The following MCIDAS variants were observed in gnomAD, a reference collection of about 807,000 sequenced individuals.
MCIDAS encodes the protein multicilin.
A neutral mutation model predicts 35.4 loss-of-function variants in MCIDAS; 23 were observed. The ratio of observed to expected loss-of-function variants is 0.65; its 90% CI spans 0.47 to 0.92. The LOEUF is 0.92. Ranked by LOEUF, MCIDAS falls within the 40% of genes least tolerant of loss-of-function variation. The pLI, the probability that MCIDAS is intolerant of heterozygous loss-of-function variation, is 0.00. For missense variants in MCIDAS, 480 were observed against 531.8 expected (o/e 0.90, Z 0.96); for synonymous variants, 228 against 235.2 (o/e 0.97, Z 0.28).
In MCIDAS at chr5:55,220,490, C is replaced by G. The variant is rs573592648; in HGVS notation, c.1034G>C (p.Gly345Ala). Residue 345 changes from glycine to alanine, a missense_variant, in exon 7 of 7, where the codon GGC becomes GCC. By Grantham distance (60) the Gly-to-Ala change is moderately conservative. Transcript: ENST00000513312. ...LNLSHSELEE[G>A]GSFSTRIRSH... ...GCGGATGCGGGTGCTGAAGGAGCCG[C>G]CCTCCTCCAGCTCACTGTGGCTCAG... The G allele has an allele frequency of 2.6e-6, 4 of 1,536,036 alleles. No homozygotes were observed. The East Asian group carries it at 7.3e-5, about 28-fold the overall frequency.
At chr5:55,226,272 C>T (rs1178058512) in intron 3 of MCIDAS, among the ~76,000 whole-genome samples, 2 of 152,110 alleles carry the variant, frequency 1.3e-5, no homozygotes, top group African/African-American at 4.8e-5. Context: ...TCTCTCAGTG[C>T]GCAATCTTGT....
At position 55,225,459 on chromosome 5, in the gene MCIDAS, TCTTTC is replaced by T. The variant is rs1745440223; in HGVS notation, c.309+1112_309+1116del. Among the ~76,000 whole-genome samples, 6 of 152,228 alleles carry T rather than the reference TCTTTC, an allele frequency of 3.9e-5. No homozygotes were observed. The South Asian group carries it at 1.2e-3, about 31-fold the overall frequency. ...TCAGTTGGAAGATACTCAGGCATTATCTTTCCTTATTTGATCATCCAGATCTAAAA... is the reference window on the plus strand; with the variant it reads ...TCAGTTGGAAGATACTCAGGCATTATCTTATTTGATCATCCAGATCTAAAA... On this transcript the variant is annotated intron_variant, in intron 3 of 6. Transcript: ENST00000513312.
In MCIDAS at chr5:55,227,240, C is replaced by A; in HGVS notation, c.-102G>T. ...CCTTCAGTGCCTGCAGGCTCCGAAGCCAGCCAGAGGTTGGGGCAGGCGCGT... is the reference window on the plus strand; with the variant it reads ...CCTTCAGTGCCTGCAGGCTCCGAAGACAGCCAGAGGTTGGGGCAGGCGCGT... On this transcript the variant is annotated 5_prime_UTR_variant, in exon 1 of 7. Transcript: ENST00000513312. The A allele has an allele frequency of 7.5e-7, 1 of 1,341,778 alleles. No individual in the cohort carries two copies. The highest frequency in any genetic ancestry group is 9.5e-7 in the Non-Finnish European group (1 of 1,048,000). The allele number at this position is 1,341,778 out of a possible 1,614,324, so 83.1% of individuals were successfully genotyped here.
intron 5 of MCIDAS, among the ~76,000 whole-genome samples, 169 bp from the exon 6 acceptor site, chr5:55,221,295 C>T (rs935492655): frequency 6.6e-6 from 1 of 151,790 alleles, no homozygotes; most frequent in African/African-American, 2.4e-5. Flanking sequence ...AAACAAAGCA[C>T]TTGGACAAAA....
At position 55,220,705 on chromosome 5, in the gene MCIDAS, C is replaced by G. The variant is rs1307513968; in HGVS notation, c.819G>C (p.Ala273=). The change falls in exon 7 of 7, where the codon GCG becomes GCC. Residue 273 remains alanine, a synonymous_variant. Coordinates refer to ENST00000513312, the MANE Select transcript of MCIDAS (RefSeq NM_001190787.3). The part of the protein sequence containing the change: ...KRSLEELVSA[A]GQDCAEVDAI... ...CGTCCACTTCCGCGCAATCCTGCCC[C>G]GCAGCGCTGACCAACTCCTCCAGGC... 1.3e-6 allele frequency: 2 copies of G among 1,536,056 alleles called. No individual in the cohort carries two copies. The highest frequency in any genetic ancestry group is 1.2e-5 in the South Asian group (1 of 84,060).
At chr5:55,222,673 G>C (rs1326574384) in intron 4 of MCIDAS, among the ~76,000 whole-genome samples, 2 of 151,994 alleles carry the variant, frequency 1.3e-5, no homozygotes, top group African/African-American at 4.8e-5. Flanking sequence ...CTGCACACTC[G>C]TCACTCAACC....
chr5:55,224,853 C>G (rs527399977), intron 3 of MCIDAS, among the ~76,000 whole-genome samples: 2 of 152,210 alleles, frequency 1.3e-5, no homozygotes, highest in Non-Finnish European at 2.9e-5. Flanking sequence ...CTAGCTCTGT[C>G]TTTCCCAGGA....
At chr5:55,225,436 A>T (rs1745439844) in intron 3 of MCIDAS, among the ~76,000 whole-genome samples, 1 of 152,230 alleles carries the variant, frequency 6.6e-6, no homozygotes, top group African/African-American at 2.4e-5. Context: ...CCTCTGGGTC[A>T]GTTGGAAGAT....
chr5:55,221,600 T>G (rs1291561659), intron 5 of MCIDAS, among the ~76,000 whole-genome samples: 1 of 152,160 alleles, frequency 6.6e-6, no homozygotes, highest in Non-Finnish European at 1.5e-5. Flanking sequence ...CACTTGTACC[T>G]CTAAATCCCC....
At position 55,223,129 on chromosome 5, in the gene MCIDAS, T is replaced by A. The variant is rs116674414; in HGVS notation, c.310-106A>T. 0.012 allele frequency: 10,741 copies of A among 872,880 alleles called. 84 individuals are homozygous for A. The highest frequency in any genetic ancestry group is 0.016 in the Non-Finnish European group (8,617 of 553,386). 54.1% of individuals were successfully genotyped at this position (872,880 alleles called of 1,614,324 possible). The stretch of plus-strand genomic sequence containing the variant: ...AATCTGGCAGGCACTATGCAATATA[T>A]GCACGTAACACAACTGCACTTGTAC... On this transcript the variant is annotated intron_variant, in intron 3 of 6. Coordinates refer to ENST00000513312, the MANE Select transcript of MCIDAS (RefSeq NM_001190787.3). This position sits in a 1 kb window ranked among gnomAD's most constrained non-coding sequence, Gnocchi z 4.4.
In MCIDAS at chr5:55,220,172, CAG is replaced by C. The variant is rs1267084381; in HGVS notation, c.*192_*193del. On this transcript the variant is annotated 3_prime_UTR_variant, in exon 7 of 7. Coordinates refer to ENST00000513312, the MANE Select transcript of MCIDAS (RefSeq NM_001190787.3). Reference sequence around the variant, plus strand: ...CATATGTGACATATACATATATAAACAGAGTTTCACTGTGACAAGGGGAGGGG... The same window carrying C: ...CATATGTGACATATACATATATAAACAGTTTCACTGTGACAAGGGGAGGGG... 11 of 591,630 alleles carry C rather than the reference CAG, an allele frequency of 1.9e-5. No homozygotes were observed. Among genetic ancestry groups the C allele is most frequent in the East Asian group, 8.4e-5 (3 of 35,670 alleles). 36.6% of individuals were successfully genotyped at this position (591,630 alleles called of 1,614,324 possible). A position where few individuals can be genotyped will look rare whatever the true frequency, so the allele number is the denominator to read the frequency against.
At chr5:55,222,909 G>A (rs937813679) in intron 4 of MCIDAS, 42 bp downstream of exon 4, 2 of 1,512,470 alleles carry the variant, frequency 1.3e-6, no homozygotes, top group Non-Finnish European at 1.8e-6. Flanking sequence ...GGGAGTGGGG[G>A]ACACCCCCGC....
Position 55,220,448 on chromosome 5 carries a change from C to T in MCIDAS, c.1076G>A (p.Arg359His). The T allele has an allele frequency of 6.5e-7, 1 of 1,536,060 alleles. No individual in the cohort carries two copies. The highest frequency in any genetic ancestry group is 1.2e-5 in the South Asian group (1 of 84,058). The change falls in exon 7 of 7, where the codon CGC (arginine) becomes CAC (histidine). Residue 359 changes from arginine (R) to histidine (H), a missense_variant. Arg to His is a conservative substitution (Grantham distance 29, BLOSUM62 0). Transcript: ENST00000513312. ...ATTGCCCTGGGGGAAGGCGAGGGTG[C>T]GGATGGTGCTGTGGCTGCGGATGCG... The part of the protein sequence containing the change: ...STRIRSHSTI[R>H]TLAFPQGNAF...
chr5:55,221,239 AG>A, intron 5 of MCIDAS, 113 bp from the exon 6 acceptor site: 4 of 663,338 alleles, frequency 6.0e-6, no homozygotes. Context: ...GGGGACGCAC[AG>A]GCATTTACGC....
At position 55,227,029 on chromosome 5, in the gene MCIDAS, G is replaced by C; in HGVS notation, c.110C>G (p.Pro37Arg). ...AATCAACCGCCCCACCTTCCTCTCC[G>C]GCTTCCCCGGCTTGCAGAGCAGCGC... Reference protein sequence around the residue: ...GRALLCKPGKPERKFAPPRKF... With the variant: ...GRALLCKPGKRERKFAPPRKF... The change falls in exon 1 of 7, where the codon CCG becomes CGG. Residue 37 changes from proline (P) to arginine (R), a missense_variant. Coordinates refer to ENST00000513312, the MANE Select transcript of MCIDAS (RefSeq NM_001190787.3). 2 of 1,520,008 alleles carry C rather than the reference G, an allele frequency of 1.3e-6. No individual in the cohort carries two copies. Among genetic ancestry groups the C allele is most frequent in the Non-Finnish European group, 1.8e-6 (2 of 1,140,296 alleles). 94.2% of individuals were successfully genotyped at this position (1,520,008 alleles called of 1,614,324 possible). A position where few individuals can be genotyped will look rare whatever the true frequency, so the allele number is the denominator to read the frequency against.
chr5:55,222,087 A>C, intron 5 of MCIDAS, 89 bp downstream of exon 5: 35 of 1,143,654 alleles, frequency 3.1e-5, no homozygotes, highest in Non-Finnish European at 4.3e-5. Context: ...GACTCACAGG[A>C]CCTCATCTTC....
intron 3 of MCIDAS, among the ~76,000 whole-genome samples, chr5:55,224,527 GC>G (rs1284017244): frequency 6.6e-6 from 1 of 152,110 alleles, no homozygotes; most frequent in Non-Finnish European, 1.5e-5. Context: ...AGGGCTGAGG[GC>G]CCCAGACAAG....
At position 55,226,837 on chromosome 5, in the gene MCIDAS, G is replaced by A. The variant is rs2111702804; in HGVS notation, c.215C>T (p.Pro72Leu). The A allele has an allele frequency of 7.2e-7, 1 of 1,391,070 alleles. No homozygotes were observed. The highest frequency in any genetic ancestry group is 1.6e-5 in the South Asian group (1 of 63,048). The allele number at this position is 1,391,070 out of a possible 1,614,324, so 86.2% of individuals were successfully genotyped here. ...AGCGTGGGTGCCACGGGGCTCACCT[G>A]GCAGCGCTGTGGGCTCGGCGTCCGG... The part of the protein sequence containing the change: ...DPPDAEPTAL[P>L]ALTTIDLQDL... Residue 72 changes from proline (P) to leucine (L), a missense_variant and splice_region_variant, in exon 2 of 7, where the codon CCA becomes CTA. Coordinates refer to ENST00000513312, the MANE Select transcript of MCIDAS (RefSeq NM_001190787.3).
intron 5 of MCIDAS, among the ~76,000 whole-genome samples, chr5:55,221,701 G>A (rs1364783935): frequency 6.6e-6 from 1 of 152,168 alleles, no homozygotes; most frequent in Non-Finnish European, 1.5e-5. Context: ...GAGGCAGACG[G>A]ATCACCCGAG....
Sources: allele counts gnomAD v4.1 joint callset (sites outside exome capture counted in the v4.1 genomes callset), GRCh38; gene constraint gnomAD v4.1.1; non-coding constraint Gnocchi (gnomAD v3.1); transcripts MANE v1.5; gene names NCBI Gene and HGNC (gene_info 2026-07-23, HGNC 2026-07-21).